Variants in ESR1 observed in about 807,000 individuals in gnomAD.
The protein encoded by ESR1 is estrogen receptor 1.
In ESR1, 12 loss-of-function variants were observed where a neutral mutation model predicts 52.7. The ratio of observed to expected loss-of-function variants is 0.23; its 90% CI spans 0.15 to 0.37. The LOEUF is 0.37. Ranked by LOEUF, ESR1 falls within the 10% of genes least tolerant of loss-of-function variation. ESR1 has a pLI of 1.00. For synonymous variants in ESR1, 305 were observed against 316.8 expected (o/e 0.96, Z 0.39); for missense variants, 584 against 779.7 (o/e 0.75, Z 2.99).
intron 6 of ESR1, among the ~76,000 whole-genome samples, chr6:152,067,500 A>G (rs1005998601): frequency 6.6e-6 from 1 of 152,186 alleles, no homozygotes; most frequent in African/African-American, 2.4e-5. Context: ...ATTTTATCCT[A>G]CCTTCTCTAG....
intron 2 of ESR1, among the ~76,000 whole-genome samples, chr6:151,850,100 A>ATGCATATAAAAT (rs1200033581): frequency 1.2e-4 from 16 of 136,096 alleles, no homozygotes; most frequent in African/African-American, 4.3e-4. Flanking sequence ...ATAATTTTAT[A>ATGCATATAAAAT]TATATATACA....
intron 2 of ESR1, among the ~76,000 whole-genome samples, chr6:151,798,609 G>T (rs1776935783): frequency 6.6e-6 from 1 of 152,108 alleles, no homozygotes; most frequent in Admixed American, 6.5e-5. Context: ...TGATTTTTAG[G>T]AAGGCTAGCA....
In ESR1 at chr6:152,101,867, A is replaced by C. The variant is rs976013746; in HGVS notation, c.*2901A>C. On this transcript the variant is annotated 3_prime_UTR_variant, in exon 8 of 8. Coordinates refer to ENST00000206249, the MANE Select transcript of ESR1 (RefSeq NM_000125.4). Reference sequence around the variant, plus strand: ...AGAGTCCACTTCTGCCCTGGAGACCACAAATCAACTAGCTCCATTTACAGC... The same window carrying C: ...AGAGTCCACTTCTGCCCTGGAGACCCCAAATCAACTAGCTCCATTTACAGC... 4.5e-6 allele frequency: 1 copy of C among 223,204 alleles called. No individual in the cohort carries two copies. Among genetic ancestry groups the C allele is most frequent in the Non-Finnish European group, 8.9e-6 (1 of 111,770 alleles). 13.8% of individuals were successfully genotyped at this position (223,204 alleles called of 1,614,324 possible). A position where few individuals can be genotyped will look rare whatever the true frequency, so the allele number is the denominator to read the frequency against.
intron 1 of ESR1, among the ~76,000 whole-genome samples, chr6:151,836,930 A>G (rs573662322): frequency 1.3e-5 from 2 of 152,306 alleles, no homozygotes; most frequent in East Asian, 3.9e-4. Flanking sequence ...AATCAGGGGA[A>G]TAATGCTTTT....
At chr6:151,922,950 C>A (rs1040765627) in intron 3 of ESR1, among the ~76,000 whole-genome samples, 1 of 152,202 alleles carries the variant, frequency 6.6e-6, no homozygotes, top group African/African-American at 2.4e-5. Context: ...TTCTAGCCTT[C>A]TCCTCTTACT....
intron 2 of ESR1, among the ~76,000 whole-genome samples, chr6:151,775,072 A>T (rs1785842437): frequency 6.6e-6 from 1 of 152,160 alleles, no homozygotes. Context: ...TATATGCATG[A>T]CTCCTCTCTG....
intron 5 of ESR1, among the ~76,000 whole-genome samples, chr6:152,030,137 G>A (rs1463081068): frequency 6.6e-6 from 1 of 152,124 alleles, no homozygotes; most frequent in Non-Finnish European, 1.5e-5. Flanking sequence ...AGCTCCTGAA[G>A]GAAGCACTAA....
intron 3 of ESR1, among the ~76,000 whole-genome samples, chr6:151,934,145 C>T (rs1286951468): frequency 2.0e-5 from 3 of 152,176 alleles, no homozygotes; most frequent in Non-Finnish European, 4.4e-5. Context: ...TTGGCTCTTA[C>T]TAGAAACCTT....
intron 4 of ESR1, among the ~76,000 whole-genome samples, chr6:151,975,081 G>T (rs1349287851): frequency 6.6e-6 from 1 of 152,162 alleles, no homozygotes; most frequent in Non-Finnish European, 1.5e-5. Context: ...TCAAATTTAT[G>T]ATCTGAACTT....
intron 1 of ESR1, among the ~76,000 whole-genome samples, chr6:151,819,678 G>A (rs1342734443): frequency 6.6e-6 from 1 of 152,118 alleles, no homozygotes; most frequent in African/African-American, 2.4e-5. Flanking sequence ...ATTATGGTGA[G>A]TTGCATAATT....
chr6:152,074,859 T>G (rs186480211), intron 6 of ESR1, among the ~76,000 whole-genome samples: 17 of 152,350 alleles, frequency 1.1e-4, no homozygotes, highest in African/African-American at 3.8e-4. Context: ...CATCTTTTAA[T>G]AAGCTTATTT....
intron 4 of ESR1, among the ~76,000 whole-genome samples, chr6:151,947,852 A>G (rs1218968317): frequency 7.9e-6 from 1 of 126,746 alleles, no homozygotes; most frequent in Non-Finnish European, 1.9e-5. Context: ...CTATGAAGCC[A>G]GCTCTGACAA....
At chr6:152,083,170 A>C (rs961948562) in intron 6 of ESR1, among the ~76,000 whole-genome samples, 1 of 152,188 alleles carries the variant, frequency 6.6e-6, no homozygotes, top group South Asian at 2.1e-4. Context: ...AATCCTAAGC[A>C]AAAAGAACAA....
intron 6 of ESR1, among the ~76,000 whole-genome samples, chr6:152,063,606 T>C (rs1160409644): frequency 6.6e-6 from 1 of 152,206 alleles, no homozygotes; most frequent in African/African-American, 2.4e-5. Flanking sequence ...CATGTGGTCA[T>C]ACCACAATCA....
At chr6:151,661,348 A>G (rs560716347) in intron 1 of ESR1, among the ~76,000 whole-genome samples, 11 of 152,284 alleles carry the variant, frequency 7.2e-5, no homozygotes, top group Non-Finnish European at 7.4e-5. Context: ...TCCAGATGAG[A>G]GGCAAGTGGA....
chr6:151,748,637 G>C (rs574683639), intron 2 of ESR1, among the ~76,000 whole-genome samples: 1 of 152,294 alleles, frequency 6.6e-6, no homozygotes, highest in South Asian at 2.1e-4. Context: ...CAGGGGATGA[G>C]AGTGCCTATT....
intron 4 of ESR1, among the ~76,000 whole-genome samples, chr6:151,991,390 A>C (rs546901359): frequency 6.6e-6 from 1 of 152,270 alleles, no homozygotes; most frequent in Non-Finnish European, 1.5e-5. Flanking sequence ...TTGACTACAA[A>C]AAACATTTAT....
At chr6:151,691,396 A>T (rs1416359558) in intron 1 of ESR1, among the ~76,000 whole-genome samples, 1 of 152,224 alleles carries the variant, frequency 6.6e-6, no homozygotes, top group Non-Finnish European at 1.5e-5. Context: ...TGGTTAGAGG[A>T]ATGCCACATG....
chr6:151,880,223 C>T (rs1453026022), intron 2 of ESR1, among the ~76,000 whole-genome samples: 1 of 124,430 alleles, frequency 8.0e-6, no homozygotes. Context: ...CACTCTGTTG[C>T]CTAGGCTGGA....
Sources: gnomAD v4.1 joint callset for allele counts (sites outside exome capture counted in the v4.1 genomes callset) on GRCh38, gnomAD v4.1.1 for gene constraint, MANE v1.5 for transcripts, NCBI Gene and HGNC (gene_info 2026-07-23, HGNC 2026-07-21) for gene names.